TTC39C: variants seen among roughly 807,000 people sequenced by gnomAD.
The protein encoded by TTC39C is tetratricopeptide repeat protein 39C.
A neutral mutation model predicts 76.3 loss-of-function variants in TTC39C; 33 were observed. The observed-to-expected ratio is 0.43, with a 90% CI of 0.33 to 0.58. The LOEUF (loss-of-function observed/expected upper bound fraction) is 0.58. Among genes scored for constraint, TTC39C ranks in the 20% least tolerant of loss-of-function variants. TTC39C has a pLI of 0.04. For synonymous variants in TTC39C, 254 were observed against 260.6 expected (o/e 0.97, Z 0.24); for missense variants, 595 against 701.4 (o/e 0.85, Z 1.71).
intron 1 of TTC39C, among the ~76,000 whole-genome samples, chr18:24,048,699 A>G: frequency 6.6e-6 from 1 of 152,058 alleles, no homozygotes; most frequent in South Asian, 2.1e-4. Context: ...GCTCCTGTTC[A>G]TTAAAAAATT....
rs1456735161 is a variant in TTC39C at position 24,090,114 on chromosome 18, T to C, written c.984+7033T>C. ...AGGCAGACTACTTAGATTTCCCTTG[T>C]GTTAATAATCTACTATTTTCCTGTT... is the stretch of plus-strand genomic sequence containing the variant. On this transcript the variant is annotated intron_variant, in intron 6 of 13. Coordinates refer to ENST00000317571, the MANE Select transcript of TTC39C (RefSeq NM_001135993.2). Among the ~76,000 whole-genome samples, 4 of 152,186 alleles carry C rather than the reference T, an allele frequency of 2.6e-5. No homozygotes were observed. The South Asian group carries it at 8.3e-4, about 32-fold the overall frequency.
chr18:23,994,537 C>G (rs2083245003), intron 1 of TTC39C: 1 of 152,176 alleles, frequency 6.6e-6, no homozygotes, highest in Non-Finnish European at 1.5e-5. Context: ...TGTGCTTCCC[C>G]CACTCGCCCC....
At chr18:24,049,944 T>C (rs1338830225) in intron 1 of TTC39C, among the ~76,000 whole-genome samples, 1 of 152,198 alleles carries the variant, frequency 6.6e-6, no homozygotes, top group Non-Finnish European at 1.5e-5. Flanking sequence ...GACTGGGTAG[T>C]CCTAACTCAA....
intron 6 of TTC39C, among the ~76,000 whole-genome samples, chr18:24,087,156 G>C (rs1336064477): frequency 6.6e-6 from 1 of 152,136 alleles, no homozygotes; most frequent in Non-Finnish European, 1.5e-5. Context: ...TTGAATTTCT[G>C]TATTTTCCAT....
chr18:24,105,054 CA>C (rs2084729733), intron 6 of TTC39C, among the ~76,000 whole-genome samples: 1 of 147,372 alleles, frequency 6.8e-6, no homozygotes. Context: ...AAGCAAAGTT[CA>C]AAAAAAGAAA....
At chr18:24,118,038 G>A (rs1024779067) in intron 7 of TTC39C, 87 bp from the exon 8 acceptor site, 1 of 971,958 alleles carries the variant, frequency 1.0e-6, no homozygotes, top group African/African-American at 1.7e-5. Flanking sequence ...CACAGAGAAT[G>A]ATCGCCATAT....
chr18:24,057,190 A>G (rs1169563660), intron 1 of TTC39C, among the ~76,000 whole-genome samples: 1 of 152,120 alleles, frequency 6.6e-6, no homozygotes, highest in Non-Finnish European at 1.5e-5. Context: ...TTTATCTGTA[A>G]TTACTTTCGT....
intron 4 of TTC39C, among the ~76,000 whole-genome samples, chr18:24,073,030 C>T (rs2084260227): frequency 6.6e-6 from 1 of 152,170 alleles, no homozygotes; most frequent in South Asian, 2.1e-4. Flanking sequence ...TGGTGCTGTC[C>T]ACGTGCTCCC....
intron 1 of TTC39C, among the ~76,000 whole-genome samples, chr18:24,044,055 TGTGTG>T (rs2083832519): frequency 5.7e-4 from 1 of 1,744 alleles, no homozygotes; most frequent in Non-Finnish European, 0.016. Context: ...TGTATGTTTG[TGTGTG>T]TGTGTGTGTG....
intron 3 of TTC39C, 64 bp from the exon 4 acceptor site, chr18:24,069,093 T>C: frequency 7.7e-7 from 1 of 1,299,718 alleles, no homozygotes; most frequent in Non-Finnish European, 1.1e-6. Flanking sequence ...AACCTGATAC[T>C]GTTTGGGGGA....
intron 10 of TTC39C, 96 bp downstream of exon 10, chr18:24,125,646 T>C: frequency 6.6e-7 from 1 of 1,516,964 alleles, no homozygotes; most frequent in Non-Finnish European, 9.0e-7. Flanking sequence ...TTCATGTTTA[T>C]CTCATCGGAG....
intron 6 of TTC39C, among the ~76,000 whole-genome samples, chr18:24,102,691 CA>C (rs1192847889): frequency 1.3e-5 from 2 of 152,152 alleles, no homozygotes; most frequent in Non-Finnish European, 2.9e-5. Flanking sequence ...GGAGATTGTA[CA>C]CCTGGCCCAC....
intron 4 of TTC39C, among the ~76,000 whole-genome samples, chr18:24,079,209 C>T (rs2084345395): frequency 6.6e-6 from 1 of 152,104 alleles, no homozygotes; most frequent in Admixed American, 6.6e-5. Context: ...CTTTATTTTA[C>T]AGAAAATTCC....
intron 1 of TTC39C, among the ~76,000 whole-genome samples, chr18:24,004,082 G>A (rs1377214651): frequency 2.6e-5 from 4 of 152,160 alleles, no homozygotes; most frequent in African/African-American, 4.8e-5. Flanking sequence ...GGCCATTTTA[G>A]TTCCCCAAGC....
chr18:24,110,906 T>C (rs1164893572), intron 6 of TTC39C, among the ~76,000 whole-genome samples: 1 of 152,186 alleles, frequency 6.6e-6, no homozygotes, highest in Non-Finnish European at 1.5e-5. Context: ...CAGGTATAGT[T>C]AATGAGACAA....
chr18:24,023,950 G>GTA (rs1157099825), intron 1 of TTC39C, among the ~76,000 whole-genome samples: 11 of 16,898 alleles, frequency 6.5e-4, no homozygotes, highest in African/African-American at 1.0e-3. Flanking sequence ...ATATATGCAT[G>GTA]TATATATATA....
intron 1 of TTC39C, chr18:23,994,111 C>G (rs2083240908): frequency 6.6e-6 from 1 of 152,088 alleles, no homozygotes; most frequent in South Asian, 2.1e-4. Context: ...AGGCTAAAAA[C>G]AGAGGGAAAC....
intron 1 of TTC39C, among the ~76,000 whole-genome samples, chr18:24,009,667 G>C (rs926887596): frequency 6.6e-6 from 1 of 152,260 alleles, no homozygotes; most frequent in Non-Finnish European, 1.5e-5. Context: ...TCAAGGGCTA[G>C]TGCAGGAGAG....
At chr18:24,073,953 G>A (rs1039991934) in intron 4 of TTC39C, among the ~76,000 whole-genome samples, 4 of 152,236 alleles carry the variant, frequency 2.6e-5, no homozygotes, top group African/African-American at 9.6e-5. Context: ...GGCAGGGACT[G>A]TGCAATCTAC....
Sources: gnomAD v4.1 joint callset for allele counts (sites outside exome capture counted in the v4.1 genomes callset) on GRCh38, gnomAD v4.1.1 for gene constraint, MANE v1.5 for transcripts, NCBI Gene and HGNC (gene_info 2026-07-23, HGNC 2026-07-21) for gene names.